Variants in CSNK2A2IP observed in about 807,000 individuals in gnomAD.
CSNK2A2IP encodes the protein casein kinase II subunit alpha'-interacting protein.
chr3:88,445,275 C>CAAAAAAAAAAAAAAAA, the CSNK2A2IP span, among the ~76,000 whole-genome samples: 56 of 47,766 alleles, frequency 1.2e-3, 8 homozygotes, highest in Admixed American at 3.1e-3. Flanking sequence ...GTAAAAATAC[C>CAAAAAAAAAAAAAAAA]AAAAAAAAAA....
At chr3:88,355,959 T>C in the CSNK2A2IP span, among the ~76,000 whole-genome samples, 795 of 152,262 alleles carry the variant, frequency 5.2e-3, 8 homozygotes, top group African/African-American at 0.018. Flanking sequence ...TTTTTAATTT[T>C]TATGGATATA....
chr3:88,453,798 A>G, the CSNK2A2IP span, among the ~76,000 whole-genome samples: 11 of 152,174 alleles, frequency 7.2e-5, no homozygotes, highest in Non-Finnish European at 1.6e-4. Context: ...AGTGGCAGGT[A>G]TACTCCCTTA....
chr3:88,466,547 G>C, the CSNK2A2IP span: 1 of 1,231,768 alleles, frequency 8.1e-7, no homozygotes. Flanking sequence ...AGTAAAAGCA[G>C]CTTTCAGTTT....
At chr3:88,356,761 G>A in the CSNK2A2IP span, among the ~76,000 whole-genome samples, 13 of 151,832 alleles carry the variant, frequency 8.6e-5, no homozygotes, top group South Asian at 2.1e-4. Flanking sequence ...GCCAACATTC[G>A]TTAATTTTTG....
At chr3:88,466,582 G>T in the CSNK2A2IP span, 1 of 1,231,670 alleles carries the variant, frequency 8.1e-7, no homozygotes, top group Non-Finnish European at 1.0e-6. Flanking sequence ...ATCAAATAAA[G>T]AAATTCCTTG....
At chr3:88,342,492 C>T in the CSNK2A2IP span, among the ~76,000 whole-genome samples, 1 of 151,934 alleles carries the variant, frequency 6.6e-6, no homozygotes, top group East Asian at 1.9e-4. Flanking sequence ...AATCTTCCTC[C>T]ACCATGTGGC....
chr3:88,434,363 AT>A, the CSNK2A2IP span, among the ~76,000 whole-genome samples: 1 of 150,826 alleles, frequency 6.6e-6, no homozygotes. Flanking sequence ...GAAAAAAAAA[AT>A]AAAATATTTG....
the CSNK2A2IP span, among the ~76,000 whole-genome samples, chr3:88,453,801 C>G: frequency 1.3e-5 from 2 of 151,994 alleles, no homozygotes; most frequent in Non-Finnish European, 2.9e-5. Flanking sequence ...GGCAGGTATA[C>G]TCCCTTACAT....
chr3:88,351,437 A>G, the CSNK2A2IP span, among the ~76,000 whole-genome samples: 37 of 152,170 alleles, frequency 2.4e-4, no homozygotes, highest in East Asian at 7.2e-3. Context: ...TTATTATAAT[A>G]TATATTGTAG....
the CSNK2A2IP span, among the ~76,000 whole-genome samples, chr3:88,422,977 A>G: frequency 1.3e-5 from 2 of 152,222 alleles, no homozygotes; most frequent in African/African-American, 4.8e-5. Context: ...AGAAGACAAC[A>G]TAACTTTTGA....
the CSNK2A2IP span, among the ~76,000 whole-genome samples, chr3:88,416,688 T>C: frequency 3.3e-5 from 5 of 152,292 alleles, no homozygotes; most frequent in Non-Finnish European, 7.4e-5. Flanking sequence ...TGAGCATAGA[T>C]GGAATGATGC....
At chr3:88,421,397 T>C in the CSNK2A2IP span, among the ~76,000 whole-genome samples, 1 of 152,090 alleles carries the variant, frequency 6.6e-6, no homozygotes, top group African/African-American at 2.4e-5. Context: ...TATTAGTTTG[T>C]ATGATTTTCT....
At chr3:88,435,875 G>GTGCATTATATA in the CSNK2A2IP span, among the ~76,000 whole-genome samples, 26 of 68,222 alleles carry the variant, frequency 3.8e-4, 1 homozygote, top group East Asian at 2.7e-3. Context: ...AAATTTTAAT[G>GTGCATTATATA]TGCATTATAT....
the CSNK2A2IP span, among the ~76,000 whole-genome samples, chr3:88,449,193 T>G: frequency 6.6e-6 from 1 of 152,202 alleles, no homozygotes; most frequent in Non-Finnish European, 1.5e-5. Context: ...TCCTGAATTA[T>G]TTTCATTTCA....
chr3:88,457,820 T>A, the CSNK2A2IP span, among the ~76,000 whole-genome samples: 6 of 152,124 alleles, frequency 3.9e-5, no homozygotes, highest in South Asian at 1.2e-3. Context: ...TGAAATAGTT[T>A]GTGTAGAATT....
At chr3:88,382,224 C>T in the CSNK2A2IP span, among the ~76,000 whole-genome samples, 1 of 152,166 alleles carries the variant, frequency 6.6e-6, no homozygotes, top group Non-Finnish European at 1.5e-5. Context: ...CAAAGAATGG[C>T]TACCTTTGAG....
chr3:88,461,126 G>T, the CSNK2A2IP span, among the ~76,000 whole-genome samples: 11 of 152,022 alleles, frequency 7.2e-5, no homozygotes, highest in African/African-American at 2.7e-4. Flanking sequence ...TAGTTGTATC[G>T]TGCTATATAT....
chr3:88,387,427 C>A, the CSNK2A2IP span, among the ~76,000 whole-genome samples: 1 of 152,154 alleles, frequency 6.6e-6, no homozygotes, highest in East Asian at 1.9e-4. Flanking sequence ...CCTCAGACTC[C>A]CAAAATGCTG....
chr3:88,463,375 G>T, the CSNK2A2IP span, among the ~76,000 whole-genome samples: 1 of 151,960 alleles, frequency 6.6e-6, no homozygotes, highest in African/African-American at 2.4e-5. Flanking sequence ...AGCATAGGTC[G>T]CTTTGTTGAG....
Sources: allele counts gnomAD v4.1 joint callset (sites outside exome capture counted in the v4.1 genomes callset), GRCh38; gene constraint gnomAD v4.1.1; transcripts MANE v1.5; gene names NCBI Gene and HGNC (gene_info 2026-07-23, HGNC 2026-07-21).